Variants in PPP3CA observed in about 807,000 individuals in gnomAD.
PPP3CA encodes the protein protein phosphatase 3 catalytic subunit alpha.
A neutral mutation model predicts 66.5 loss-of-function variants in PPP3CA; 14 were observed. The ratio of observed to expected loss-of-function variants is 0.21; its 90% CI spans 0.14 to 0.33. The LOEUF (loss-of-function observed/expected upper bound fraction) is 0.33, where lower values mean the gene tolerates loss of function less well. Among genes scored for constraint, PPP3CA ranks in the 10% least tolerant of loss-of-function variants. The probability of loss-of-function intolerance (pLI) is 1.00; values close to 1 mark genes in which losing one functional copy is unlikely to be tolerated. For missense variants in PPP3CA, 317 were observed against 639.5 expected, an observed-to-expected ratio of 0.50 and a Z score of 5.44; for synonymous variants, 232 against 226.2, an observed-to-expected ratio of 1.03 and a Z score of -0.23.
chr4:101,032,257 G>A lies in PPP3CA; in HGVS notation c.1339+10C>T, dbSNP rs2110205146. ...CCCCAGCACACAGTCATACCCATCA[G>A]CCTGCTTACCGCTTTGCAGGGTTTG... On this transcript the variant is annotated intron_variant, in intron 12 of 13. Coordinates refer to ENST00000394854, the MANE Select transcript of PPP3CA (RefSeq NM_000944.5). 1 of 1,585,818 alleles carries A rather than the reference G, an allele frequency of 6.3e-7. No individual in the cohort carries two copies. The highest frequency in any genetic ancestry group is 1.8e-5 in the Admixed American group (1 of 55,368).
intron 1 of PPP3CA, among the ~76,000 whole-genome samples, chr4:101,248,985 C>A (rs954550745): frequency 1.3e-5 from 2 of 151,194 alleles, no homozygotes; most frequent in African/African-American, 4.9e-5. Flanking sequence ...AAGGTGAAAC[C>A]CCGTCTCTAC....
intron 1 of PPP3CA, among the ~76,000 whole-genome samples, chr4:101,228,302 G>A (rs1283473054): frequency 6.6e-6 from 1 of 151,418 alleles, no homozygotes; most frequent in Non-Finnish European, 1.5e-5. Context: ...CTGCATTTCT[G>A]AGCAAAAATT....
chr4:101,186,014 T>C (rs1314109020), intron 2 of PPP3CA, among the ~76,000 whole-genome samples: 1 of 152,200 alleles, frequency 6.6e-6, no homozygotes, highest in Non-Finnish European at 1.5e-5. Context: ...AGTTTCTTTA[T>C]AGTGTACAAA....
rs550104285 is a variant in PPP3CA, at chr4:101,285,358, T to TTCCCTGCTAA, written c.58+61371_58+61380dup. Among the ~76,000 whole-genome samples the TTCCCTGCTAA allele has an allele frequency of 2.2e-3, 335 of 152,270 alleles. 3 individuals are homozygous for TTCCCTGCTAA. The highest frequency in any genetic ancestry group is 7.5e-3 in the African/African-American group (312 of 41,546). On this transcript the variant is annotated intron_variant, in intron 1 of 13. Transcript: ENST00000394854. The stretch of plus-strand genomic sequence containing the variant: ...CCATTAAAGATAAATTGCTTATACT[T>TTCCCTGCTAA]TCCCTGCTAAATAGATTTACATCTA...
intron 2 of PPP3CA, among the ~76,000 whole-genome samples, chr4:101,176,546 G>A (rs1724065794): frequency 6.6e-6 from 1 of 152,150 alleles, no homozygotes; most frequent in South Asian, 2.1e-4. Context: ...CCAGTAGCTG[G>A]AGTAGTCTCT....
chr4:101,268,216 T>C (rs1263172977), intron 1 of PPP3CA, among the ~76,000 whole-genome samples: 1 of 151,944 alleles, frequency 6.6e-6, no homozygotes, highest in African/African-American at 2.4e-5. Context: ...AAAATCAATA[T>C]GAAGAAGAAA....
chr4:101,098,338 G>T (rs753775116), intron 5 of PPP3CA, 29 bp downstream of exon 5: 4 of 1,573,190 alleles, frequency 2.5e-6, no homozygotes, highest in East Asian at 4.6e-5. Context: ...CGCACAAAAT[G>T]ATTAGACTTG....
intron 2 of PPP3CA, among the ~76,000 whole-genome samples, chr4:101,174,860 C>T (rs1371982499): frequency 6.6e-6 from 1 of 152,062 alleles, no homozygotes; most frequent in Non-Finnish European, 1.5e-5. Flanking sequence ...TCACTTAATC[C>T]CCACAACTCT....
chr4:101,327,471 A>G (rs926889894), intron 1 of PPP3CA, among the ~76,000 whole-genome samples: 6 of 152,028 alleles, frequency 3.9e-5, no homozygotes, highest in Admixed American at 3.3e-4. Context: ...CATAAGACAC[A>G]AATTAAATCC....
rs1724849998 is a variant in PPP3CA, at chr4:101,197,886, T to C, written c.59-1770A>G. Among the ~76,000 whole-genome samples the C allele has an allele frequency of 3.9e-5, 6 of 152,180 alleles. No individual in the cohort carries two copies. The South Asian group carries it at 1.2e-3, about 32-fold the overall frequency. On this transcript the variant is annotated intron_variant, in intron 1 of 13. Transcript: ENST00000394854. Reference sequence around the variant, plus strand: ...CCCAGCAGTCTGATGCCAGAATACCTGTAACAAATAAACTACATTACTTCC... The same window carrying C: ...CCCAGCAGTCTGATGCCAGAATACCCGTAACAAATAAACTACATTACTTCC...
chr4:101,157,546 T>C (rs576635069), intron 2 of PPP3CA, among the ~76,000 whole-genome samples: 15 of 152,100 alleles, frequency 9.9e-5, no homozygotes, highest in East Asian at 1.9e-4. Context: ...GTGCCTTGAG[T>C]AGGCTAAAGA....
At chr4:101,308,772 A>G (rs941392894) in intron 1 of PPP3CA, among the ~76,000 whole-genome samples, 7 of 152,208 alleles carry the variant, frequency 4.6e-5, no homozygotes, top group African/African-American at 1.7e-4. Flanking sequence ...TTTATTTTGT[A>G]GTCACAAAAA....
At chr4:101,239,268 C>T (rs1560674982) in intron 1 of PPP3CA, among the ~76,000 whole-genome samples, 1 of 152,082 alleles carries the variant, frequency 6.6e-6, no homozygotes, top group Non-Finnish European at 1.5e-5. Context: ...TGCTTTTCAA[C>T]AAAATTTAAA....
intron 2 of PPP3CA, among the ~76,000 whole-genome samples, chr4:101,152,458 G>A (rs1012449166): frequency 6.6e-6 from 1 of 152,156 alleles, no homozygotes; most frequent in Non-Finnish European, 1.5e-5. Flanking sequence ...CTGTCCAAAT[G>A]ATCACATTCT....
intron 1 of PPP3CA, among the ~76,000 whole-genome samples, chr4:101,223,756 T>C (rs1373446106): frequency 6.6e-6 from 1 of 151,890 alleles, no homozygotes; most frequent in African/African-American, 2.4e-5. Flanking sequence ...CAGTGTATAA[T>C]TACTTAATAT....
rs1261507228 is a variant in PPP3CA, at chr4:101,025,584, C to T, written c.*281G>A. The T allele has an allele frequency of 1.1e-5, 3 of 280,376 alleles. No individual in the cohort carries two copies. Among genetic ancestry groups the T allele is most frequent in the Non-Finnish European group, 2.0e-5 (3 of 149,578 alleles). 17.4% of individuals were successfully genotyped at this position (280,376 alleles called of 1,614,324 possible). On this transcript the variant is annotated 3_prime_UTR_variant, in exon 14 of 14. Coordinates refer to ENST00000394854, the MANE Select transcript of PPP3CA (RefSeq NM_000944.5). ...CATTCCCCTAACATTGCAGTATATA[C>T]TAGCATTAGCTTTCTTTTTAAAATT...
chr4:101,168,017 C>A (rs1723747726), intron 2 of PPP3CA, among the ~76,000 whole-genome samples: 3 of 152,088 alleles, frequency 2.0e-5, no homozygotes, highest in Admixed American at 1.3e-4. Context: ...TATGGTGGTA[C>A]TTCTGTTTTA....
intron 1 of PPP3CA, among the ~76,000 whole-genome samples, chr4:101,230,696 CTG>C (rs962701949): frequency 3.3e-5 from 5 of 151,646 alleles, no homozygotes; most frequent in African/African-American, 1.2e-4. Context: ...TAAAAGGTCA[CTG>C]TGTCTTCCTT....
intron 8 of PPP3CA, among the ~76,000 whole-genome samples, chr4:101,069,193 C>T (rs1283395456): frequency 1.3e-5 from 2 of 151,976 alleles, no homozygotes; most frequent in East Asian, 3.9e-4. Flanking sequence ...CACCACCATG[C>T]CTGGCTCATA....
Sources: allele counts gnomAD v4.1 joint callset (sites outside exome capture counted in the v4.1 genomes callset), GRCh38; gene constraint gnomAD v4.1.1; transcripts MANE v1.5; gene names NCBI Gene and HGNC (gene_info 2026-07-23, HGNC 2026-07-21).